Variants in DNAH10 observed in about 807,000 individuals in gnomAD.
The protein encoded by DNAH10 is axonemal beta dynein heavy chain 10.
DNAH10 carries 348 observed loss-of-function variants against 506.6 expected under a neutral mutation model. The observed-to-expected ratio is 0.69, with a 90% confidence interval of 0.63 to 0.75. The LOEUF (loss-of-function observed/expected upper bound fraction) is 0.75. Ranked by LOEUF, DNAH10 falls within the 30% of genes least tolerant of loss-of-function variation. DNAH10 has a pLI of 0.00. For missense variants in DNAH10, 5,179 were observed against 5,787.1 expected, an observed-to-expected ratio of 0.89 and a Z score of 3.41; for synonymous variants, 2,059 against 2,198.6, an observed-to-expected ratio of 0.94 and a Z score of 1.78.
rs565436563 is a variant in DNAH10, at chr12:123,859,409, G to T, written c.6749+141G>T. Reference sequence around the variant, plus strand: ...TAATACACACCCCTTTCGACTCAGCGTGTTTTTACTGACTTTATTGCAGAC... The same window carrying T: ...TAATACACACCCCTTTCGACTCAGCTTGTTTTTACTGACTTTATTGCAGAC... On this transcript the variant is annotated intron_variant, in intron 38 of 78. Transcript: ENST00000673944. 105 of 637,242 alleles carry T rather than the reference G, an allele frequency of 1.6e-4. No individual in the cohort carries two copies. In the South Asian group the frequency reaches 2.7e-3, roughly 17 times the overall value. 39.5% of individuals were successfully genotyped at this position (637,242 alleles called of 1,614,324 possible). A position where few individuals can be genotyped will look rare whatever the true frequency, so the allele number is the denominator to read the frequency against.
At chr12:123,843,211 A>C (rs556668845) in intron 30 of DNAH10, among the ~76,000 whole-genome samples, 2 of 152,330 alleles carry the variant, frequency 1.3e-5, no homozygotes, top group African/African-American at 4.8e-5. Context: ...TGCTTCCAAC[A>C]GGGAGAATAG....
At position 123,813,348 on chromosome 12, in the gene DNAH10, AAT is replaced by A. The variant is rs765600214; in HGVS notation, c.3330_3331del (p.Trp1111GlufsTer29). 6.2e-7 allele frequency: 1 copy of A among 1,614,262 alleles called. No individual in the cohort carries two copies. The highest frequency in any genetic ancestry group is 1.7e-5 in the Admixed American group (1 of 60,036). On this transcript the variant is annotated frameshift_variant, in exon 20 of 79. Transcript: ENST00000673944. LOFTEE classifies it high-confidence loss of function. ...ATCAATCTTATGAAGTATCTACAAAAATGGAAGCGGTATCGACCTCTCTGGAA... is the reference window on the plus strand; with the variant it reads ...ATCAATCTTATGAAGTATCTACAAAAGGAAGCGGTATCGACCTCTCTGGAA...
intron 12 of DNAH10, among the ~76,000 whole-genome samples, chr12:123,795,035 C>A (rs1344295531): frequency 1.3e-5 from 2 of 149,624 alleles, no homozygotes; most frequent in East Asian, 3.9e-4. Context: ...GTAATCCCAG[C>A]TACTCAGGAG....
intron 9 of DNAH10, 78 bp downstream of exon 9, chr12:123,786,014 A>C: frequency 1.4e-6 from 2 of 1,413,402 alleles, no homozygotes; most frequent in South Asian, 1.3e-5. Context: ...AGCTCTATTG[A>C]GCTATAATTC....
At chr12:123,915,159 C>T (rs982128972) in intron 62 of DNAH10, among the ~76,000 whole-genome samples, 160 bp downstream of exon 62, 3 of 152,166 alleles carry the variant, frequency 2.0e-5, no homozygotes, top group Non-Finnish European at 2.9e-5. Context: ...GCTCCGCCTC[C>T]GCCTCCACCC....
At chr12:123,894,831 C>T (rs902902659) in intron 54 of DNAH10, 108 bp downstream of exon 54, 1 of 994,994 alleles carries the variant, frequency 1.0e-6, no homozygotes, top group Non-Finnish European at 1.5e-6. Context: ...CTGGAAAACC[C>T]TATGGTAACA....
Position 123,898,659 on chromosome 12 carries a change from G to A in DNAH10, c.9485G>A (p.Cys3162Tyr). Residue 3162 changes from cysteine to tyrosine, a missense_variant, in exon 56 of 79, where the codon TGC becomes TAC. Transcript: ENST00000673944. ...DEKTQCNIAQCKRLDGGLDKL... is the reference protein window; with the variant it reads ...DEKTQCNIAQYKRLDGGLDKL... ...AGGTGCCCTCTTTCCTCAGCTCAGT[G>A]CAAGCGTCTGGATGGGGGACTGGAC... The A allele has an allele frequency of 6.3e-7, 1 of 1,578,596 alleles. No homozygotes were observed. The highest frequency in any genetic ancestry group is 1.2e-5 in the South Asian group (1 of 85,918).
intron 2 of DNAH10, among the ~76,000 whole-genome samples, chr12:123,770,384 A>G (rs1957206168): frequency 6.6e-6 from 1 of 151,798 alleles, no homozygotes; most frequent in East Asian, 1.9e-4. Flanking sequence ...ACTCCTGGAT[A>G]ACATTTTGAT....
intron 23 of DNAH10, 70 bp downstream of exon 23, chr12:123,819,320 GT>G: frequency 8.7e-7 from 1 of 1,150,986 alleles, no homozygotes; most frequent in Non-Finnish European, 1.3e-6. Context: ...TTGCTTAAGA[GT>G]TTTATGGCAA....
At chr12:123,797,426 T>G (rs1263218966) in intron 13 of DNAH10, among the ~76,000 whole-genome samples, 1 of 151,794 alleles carries the variant, frequency 6.6e-6, no homozygotes, top group Non-Finnish European at 1.5e-5. Context: ...AAGGTCTTGC[T>G]GTGTTGCCCA....
intron 10 of DNAH10, among the ~76,000 whole-genome samples, chr12:123,789,376 TTG>T (rs368474130): frequency 1.3e-4 from 19 of 149,400 alleles, no homozygotes; most frequent in Non-Finnish European, 1.6e-4. Flanking sequence ...TCTCACCTCT[TTG>T]TGTGTGTGTG....
intron 52 of DNAH10, among the ~76,000 whole-genome samples, chr12:123,892,268 A>G (rs1953018285): frequency 6.6e-6 from 1 of 152,196 alleles, no homozygotes; most frequent in African/African-American, 2.4e-5. Flanking sequence ...GGAAACTTAC[A>G]GTCATGGCAG....
chr12:123,846,746 G>C lies in DNAH10; in HGVS notation c.5814+592G>C, dbSNP rs997333083. On this transcript the variant is annotated intron_variant, in intron 32 of 78. Transcript: ENST00000673944. The surrounding 1 kb of genome is among the most constrained non-coding windows in gnomAD (Gnocchi z 4.5). ...TGGCCTCAAGTGATCCTCCCACCTT[G>C]GCCTCCTGAGTAGCTAGGACTATAG... is the stretch of plus-strand genomic sequence containing the variant. Among the ~76,000 whole-genome samples the C allele has an allele frequency of 1.3e-5, 2 of 151,952 alleles. No homozygotes were observed. Among genetic ancestry groups the C allele is most frequent in the South Asian group, 2.1e-4 (1 of 4,816 alleles).
At chr12:123,899,903 C>T (rs971607666) in intron 56 of DNAH10, among the ~76,000 whole-genome samples, 9 of 152,202 alleles carry the variant, frequency 5.9e-5, no homozygotes, top group African/African-American at 9.6e-5. Context: ...GCAACTTAAT[C>T]GATAGATATC....
chr12:123,867,713 G>T, intron 42 of DNAH10, 112 bp downstream of exon 42: 1 of 1,499,914 alleles, frequency 6.7e-7, no homozygotes, highest in Non-Finnish European at 9.0e-7. Flanking sequence ...TAGCATTGTT[G>T]GTCAGTGCCA....
rs569044068 is a variant in DNAH10, at chr12:123,872,526, G to A, written c.7785+924G>A. ...CAAGGTACACATTCAGCTTCAACACGTTCAGCTCATGTGCACCTGCACTTT... is the reference window on the plus strand; with the variant it reads ...CAAGGTACACATTCAGCTTCAACACATTCAGCTCATGTGCACCTGCACTTT... On this transcript the variant is annotated intron_variant, in intron 45 of 78. Coordinates refer to ENST00000673944, the MANE Select transcript of DNAH10 (RefSeq NM_001372106.1). Among the ~76,000 whole-genome samples, 5 of 152,276 alleles carry A rather than the reference G, an allele frequency of 3.3e-5. No individual in the cohort carries two copies. In the South Asian group the frequency reaches 6.2e-4, roughly 19 times the overall value.
intron 65 of DNAH10, among the ~76,000 whole-genome samples, chr12:123,922,255 C>A (rs1594390157): frequency 1.3e-5 from 2 of 150,144 alleles, no homozygotes; most frequent in South Asian, 4.2e-4. Flanking sequence ...CACCTGTAGT[C>A]CCAGCTACTG....
At position 123,913,358 on chromosome 12, in the gene DNAH10, G is replaced by C. The variant is rs777373844; in HGVS notation, c.10352+43G>C. On this transcript the variant is annotated intron_variant, in intron 60 of 78. Coordinates refer to ENST00000673944, the MANE Select transcript of DNAH10 (RefSeq NM_001372106.1). The surrounding 1 kb of genome is among the most constrained non-coding windows in gnomAD (Gnocchi z 5.1). ...GCCCACCTGTTGCGGTTTGTAAACG[G>C]ACGTCACCCACAGAGTTTCTCGCCA... 16 of 1,513,940 alleles carry C rather than the reference G, an allele frequency of 1.1e-5. No individual in the cohort carries two copies. Among genetic ancestry groups the C allele is most frequent in the African/African-American group, 1.4e-5 (1 of 71,764 alleles). The allele number at this position is 1,513,940 out of a possible 1,614,324, so 93.8% of individuals were successfully genotyped here.
intron 17 of DNAH10, among the ~76,000 whole-genome samples, chr12:123,804,602 T>C (rs79762886): frequency 0.021 from 3,219 of 152,102 alleles, 106 homozygotes; most frequent in African/African-American, 0.066. Context: ...AACAATGAAT[T>C]GAAGAAAAAC....
Sources: allele counts gnomAD v4.1 joint callset (sites outside exome capture counted in the v4.1 genomes callset), GRCh38; gene constraint gnomAD v4.1.1; non-coding constraint Gnocchi (gnomAD v3.1); transcripts MANE v1.5; gene names NCBI Gene and HGNC (gene_info 2026-07-23, HGNC 2026-07-21).